The following PIK3R5 variants were observed in gnomAD, a reference collection of about 807,000 sequenced individuals.
PIK3R5 encodes phosphoinositide-3-kinase regulatory subunit 5.
Under a neutral mutation model 94.9 loss-of-function variants are expected in PIK3R5, and 32 were observed. The observed-to-expected ratio is 0.34, with a 90% confidence interval of 0.25 to 0.45. The LOEUF (loss-of-function observed/expected upper bound fraction) is 0.45, where lower values mean the gene tolerates loss of function less well. Among genes scored for constraint, PIK3R5 ranks in the 20% least tolerant of loss-of-function variants. PIK3R5 has a pLI of 1.00. For missense variants in PIK3R5, 853 were observed against 1,144.6 expected (o/e 0.75, Z 3.68); for synonymous variants, 443 against 479.4 (o/e 0.92, Z 0.99).
In PIK3R5 at chr17:8,942,644, C is replaced by G. The variant is rs1481248494; in HGVS notation, c.-14+22952G>C. On this transcript the variant is annotated intron_variant, in intron 1 of 18. Transcript: ENST00000447110. ...TTTTTGAGACAGAGTCTCGCTCTGTCGCCCAGGCTGGAGTGCAGTGGTGCG... is the reference window on the plus strand; with the variant it reads ...TTTTTGAGACAGAGTCTCGCTCTGTGGCCCAGGCTGGAGTGCAGTGGTGCG... Among the ~76,000 whole-genome samples, 3 of 151,828 alleles carry G rather than the reference C, an allele frequency of 2.0e-5. No homozygotes were observed. In the East Asian group the frequency reaches 5.8e-4, roughly 29 times the overall value.
chr17:8,951,044 T>C (rs905031858), intron 1 of PIK3R5, among the ~76,000 whole-genome samples: 1 of 152,226 alleles, frequency 6.6e-6, no homozygotes, highest in African/African-American at 2.4e-5. Context: ...ATTTCCCTCA[T>C]AATCAGTGAT....
At chr17:8,958,203 C>T (rs1355977929) in intron 1 of PIK3R5, among the ~76,000 whole-genome samples, 1 of 150,708 alleles carries the variant, frequency 6.6e-6, no homozygotes, top group Non-Finnish European at 1.5e-5. Flanking sequence ...CCCAGGTACT[C>T]AGGGGCTGAG....
At chr17:8,951,262 C>T (rs2091370508) in intron 1 of PIK3R5, among the ~76,000 whole-genome samples, 1 of 152,140 alleles carries the variant, frequency 6.6e-6, no homozygotes, top group Non-Finnish European at 1.5e-5. Context: ...TGTGTGTGTA[C>T]AGTTTTGTGC....
chr17:8,946,639 T>C (rs530389102), intron 1 of PIK3R5, among the ~76,000 whole-genome samples: 5 of 152,234 alleles, frequency 3.3e-5, no homozygotes. Flanking sequence ...AGATGACTAA[T>C]ACACTGCACT....
chr17:8,964,776 C>T (rs971489348), intron 1 of PIK3R5, among the ~76,000 whole-genome samples: 8 of 152,148 alleles, frequency 5.3e-5, no homozygotes, highest in African/African-American at 1.9e-4. Flanking sequence ...GGGTGTCAGT[C>T]CAGAGAGGAC....
chr17:8,964,226 T>C (rs568459351), intron 1 of PIK3R5, among the ~76,000 whole-genome samples: 1 of 152,136 alleles, frequency 6.6e-6, no homozygotes, highest in East Asian at 1.9e-4. Flanking sequence ...ACCCTGCCTC[T>C]ACAAAAAATA....
At position 8,886,591 on chromosome 17, in the gene PIK3R5, A is replaced by G. The variant is rs1461786175; in HGVS notation, c.1920T>C (p.Ala640=). The change falls in exon 13 of 19, where the codon GCT becomes GCC. Residue 640 remains alanine (A), a synonymous_variant. Transcript: ENST00000447110. ...PEVLCQQSLK[A]EAQALEGSPT... Reference sequence around the variant, plus strand: ...GGGAGCCCTCCAGGGCCTGGGCTTCAGCCTTCAGGGACTGCTGTGGCCAGA... The same window carrying G: ...GGGAGCCCTCCAGGGCCTGGGCTTCGGCCTTCAGGGACTGCTGTGGCCAGA... The G allele has an allele frequency of 1.2e-6, 2 of 1,601,132 alleles. No homozygotes were observed. The highest frequency in any genetic ancestry group is 1.7e-6 in the Non-Finnish European group (2 of 1,174,348).
intron 1 of PIK3R5, among the ~76,000 whole-genome samples, chr17:8,930,783 G>A (rs552622090): frequency 4.3e-4 from 66 of 152,310 alleles, no homozygotes; most frequent in Middle Eastern, 6.8e-3. Flanking sequence ...AAAAGAATGC[G>A]TAACATATTA....
chr17:8,913,796 A>G (rs1254718001), intron 1 of PIK3R5, among the ~76,000 whole-genome samples: 1 of 152,202 alleles, frequency 6.6e-6, no homozygotes, highest in African/African-American at 2.4e-5. Flanking sequence ...ATGCCCAAAG[A>G]CATCCTGAGG....
chr17:8,917,741 C>G (rs553303757), intron 1 of PIK3R5, among the ~76,000 whole-genome samples: 101 of 152,184 alleles, frequency 6.6e-4, no homozygotes, highest in African/African-American at 2.3e-3. Context: ...TGGTGTGCGC[C>G]TGTAGTCCCA....
chr17:8,939,746 G>A (rs1259613377), intron 1 of PIK3R5, among the ~76,000 whole-genome samples: 1 of 152,204 alleles, frequency 6.6e-6, no homozygotes, highest in Non-Finnish European at 1.5e-5. Context: ...GCCTGGCTGA[G>A]AATCTCTGCT....
rs2091254357 is a variant in PIK3R5, at chr17:8,945,347, C to A, written c.-14+20249G>T. Among the ~76,000 whole-genome samples the A allele has an allele frequency of 6.6e-6, 1 of 152,106 alleles. No homozygotes were observed. The highest frequency in any genetic ancestry group is 6.5e-5 in the Admixed American group (1 of 15,280). ...TACAATCAGTAGGTCTGCCTCCCAC[C>A]CCAGCCACACACACACACACTCACA... On this transcript the variant is annotated intron_variant, in intron 1 of 18. Coordinates refer to ENST00000447110, the MANE Select transcript of PIK3R5 (RefSeq NM_001142633.3). This position sits in a 1 kb window ranked among gnomAD's most constrained non-coding sequence, Gnocchi z 4.0.
At chr17:8,964,081 T>G (rs868179616) in intron 1 of PIK3R5, among the ~76,000 whole-genome samples, 10 of 152,166 alleles carry the variant, frequency 6.6e-5, no homozygotes, top group African/African-American at 2.4e-4. Flanking sequence ...GTTCTCATCA[T>G]ACATGCCTCA....
intron 1 of PIK3R5, among the ~76,000 whole-genome samples, chr17:8,960,756 C>T (rs1290585557): frequency 6.6e-6 from 1 of 152,208 alleles, no homozygotes; most frequent in Non-Finnish European, 1.5e-5. Flanking sequence ...AACAAGGAAA[C>T]CACACAAGCT....
chr17:8,950,758 A>G (rs1317318368), intron 1 of PIK3R5, among the ~76,000 whole-genome samples: 1 of 152,214 alleles, frequency 6.6e-6, no homozygotes, highest in Non-Finnish European at 1.5e-5. Flanking sequence ...TGATGAACAC[A>G]TGTGAGTACA....
rs911003973 is a variant in PIK3R5, at chr17:8,890,533, C to T, written c.657+205G>A. On this transcript the variant is annotated intron_variant, in intron 7 of 18. Transcript: ENST00000447110. The surrounding 1 kb of genome is among the most constrained non-coding windows in gnomAD (Gnocchi z 6.1). ...CACCAGTTATCAGCACCCAGTCCTA[C>T]TGCCCAGGCTGCCACCCAGCTGGTT... is the stretch of plus-strand genomic sequence containing the variant. 6.6e-6 allele frequency among the ~76,000 whole-genome samples: 1 copy of T among 152,248 alleles called. No individual in the cohort carries two copies. The highest frequency in any genetic ancestry group is 2.4e-5 in the African/African-American group (1 of 41,466).
rs376176204 is a variant in PIK3R5, at chr17:8,889,265, C to A, written c.812-43G>T. 21 of 1,505,500 alleles carry A rather than the reference C, an allele frequency of 1.4e-5. No individual in the cohort carries two copies. The highest frequency in any genetic ancestry group is 1.8e-5 in the Non-Finnish European group (20 of 1,090,278). 93.3% of individuals were successfully genotyped at this position (1,505,500 alleles called of 1,614,324 possible). A position where few individuals can be genotyped will look rare whatever the true frequency, so the allele number is the denominator to read the frequency against. On this transcript the variant is annotated intron_variant, in intron 8 of 18. Transcript: ENST00000447110. The surrounding 1 kb of genome is among the most constrained non-coding windows in gnomAD (Gnocchi z 4.1). ...ATAGGAGAAGAGGGCTGGGAAGAGG[C>A]CTTGGAGATTGGCCAGTCCAGTCCC...
rs945184029 is a variant in PIK3R5 at position 8,945,783 on chromosome 17, C to T, written c.-14+19813G>A. On this transcript the variant is annotated intron_variant, in intron 1 of 18. Coordinates refer to ENST00000447110, the MANE Select transcript of PIK3R5 (RefSeq NM_001142633.3). This position sits in a 1 kb window ranked among gnomAD's most constrained non-coding sequence, Gnocchi z 4.0. ...TTAAACTTGGGTGGGCTTGTGACTG[C>T]CACAATCAAAACAGATTATAGCGGA... Among the ~76,000 whole-genome samples, 29 of 152,188 alleles carry T rather than the reference C, an allele frequency of 1.9e-4. No individual in the cohort carries two copies. The highest frequency in any genetic ancestry group is 6.0e-4 in the African/African-American group (25 of 41,438).
In PIK3R5 at chr17:8,888,587, G is replaced by A. The variant is rs566666770; in HGVS notation, c.1200C>T (p.Ser400=). Residue 400 remains serine, a synonymous_variant, in exon 10 of 19, where the codon TCC becomes TCT. Coordinates refer to ENST00000447110, the MANE Select transcript of PIK3R5 (RefSeq NM_001142633.3). This position sits in a 1 kb window ranked among gnomAD's most constrained non-coding sequence, Gnocchi z 7.8. The part of the protein sequence containing the change: ...GYVEDSEESS[S]EWPWRRGSQE... ...GGCTGCCACGCCTCCAAGGCCACTC[G>A]GAGGAGCTCTCCTCGCTGTCCTCCA... 7.4e-6 allele frequency: 12 copies of A among 1,612,100 alleles called. No homozygotes were observed. Among genetic ancestry groups the A allele is most frequent in the South Asian group, 1.1e-5 (1 of 90,978 alleles).
Sources: allele counts gnomAD v4.1 joint callset (sites outside exome capture counted in the v4.1 genomes callset), GRCh38; gene constraint gnomAD v4.1.1; non-coding constraint Gnocchi (gnomAD v3.1); transcripts MANE v1.5; gene names NCBI Gene and HGNC (gene_info 2026-07-23, HGNC 2026-07-21).